Variants in ARID4B observed in about 807,000 individuals in gnomAD.
The protein encoded by ARID4B is AT-rich interactive domain-containing protein 4B.
In ARID4B, 26 loss-of-function variants were observed where a neutral mutation model predicts 147.5. The observed-to-expected ratio is 0.18, with a 90% CI of 0.13 to 0.24. The LOEUF is 0.24. Among genes scored for constraint, ARID4B ranks in the 10% least tolerant of loss-of-function variants. The pLI is 1.00. For missense variants in ARID4B, 1,179 were observed against 1,511.5 expected (o/e 0.78, Z 3.65); for synonymous variants, 512 against 507.9 (o/e 1.01, Z -0.11).
chr1:235,251,547 A>C (rs1252220297), intron 6 of ARID4B, among the ~76,000 whole-genome samples: 1 of 152,118 alleles, frequency 6.6e-6, no homozygotes, highest in Non-Finnish European at 1.5e-5. Flanking sequence ...TTTTCAAAAC[A>C]AAAACATAAA....
chr1:235,177,922 G>A lies in ARID4B; in HGVS notation c.3335-9C>T. ...TTTCTGACCTGTACAGGCTATGAAG[G>A]GAAAGGAATTAAGTAACACAAAATA... is the stretch of plus-strand genomic sequence containing the variant. On this transcript the variant is annotated splice_polypyrimidine_tract_variant and intron_variant, in intron 20 of 23. Coordinates refer to ENST00000264183, the MANE Select transcript of ARID4B (RefSeq NM_016374.6). 2 of 1,498,674 alleles carry A rather than the reference G, an allele frequency of 1.3e-6. No individual in the cohort carries two copies. Among genetic ancestry groups the A allele is most frequent in the Non-Finnish European group, 9.1e-7 (1 of 1,104,754 alleles). 92.8% of individuals were successfully genotyped at this position (1,498,674 alleles called of 1,614,324 possible). A position where few individuals can be genotyped will look rare whatever the true frequency, so the allele number is the denominator to read the frequency against.
intron 2 of ARID4B, among the ~76,000 whole-genome samples, chr1:235,281,088 G>A (rs1227925454): frequency 1.4e-5 from 2 of 147,658 alleles, no homozygotes; most frequent in African/African-American, 5.4e-5. Context: ...TGCCATCAAG[G>A]TGGCTTCTCA....
intron 2 of ARID4B, among the ~76,000 whole-genome samples, chr1:235,277,699 T>C (rs1321256868): frequency 6.6e-6 from 1 of 151,696 alleles, no homozygotes; most frequent in East Asian, 1.9e-4. Flanking sequence ...TCTTTCAGGA[T>C]TTTAATGGTG....
rs749745701 is a variant in ARID4B, at chr1:235,234,500, G to T, written c.586-8C>A. The stretch of plus-strand genomic sequence containing the variant: ...ACAATCAGGACAAACCACCTTTTAA[G>T]AAAAAGGGTGAAGCTATTATAACTA... On this transcript the variant is annotated splice_polypyrimidine_tract_variant and splice_region_variant and intron_variant, in intron 8 of 23. Transcript: ENST00000264183. 5 of 1,571,698 alleles carry T rather than the reference G, an allele frequency of 3.2e-6. No individual in the cohort carries two copies. Among genetic ancestry groups the T allele is most frequent in the Non-Finnish European group, 3.5e-6 (4 of 1,146,322 alleles).
intron 2 of ARID4B, among the ~76,000 whole-genome samples, chr1:235,305,028 T>G (rs1673446135): frequency 2.0e-5 from 3 of 152,140 alleles, no homozygotes; most frequent in Admixed American, 2.0e-4. Context: ...AAGGGGAAAT[T>G]TAAAGCTGAC....
chr1:235,204,775 C>T lies in ARID4B; in HGVS notation c.1842-8660G>A, dbSNP rs553520006. Among the ~76,000 whole-genome samples, 44 of 152,172 alleles carry T rather than the reference C, an allele frequency of 2.9e-4. No individual in the cohort carries two copies. The South Asian group carries it at 3.9e-3, about 14-fold the overall frequency. On this transcript the variant is annotated intron_variant, in intron 17 of 23. Coordinates refer to ENST00000264183, the MANE Select transcript of ARID4B (RefSeq NM_016374.6). ...AAATGTATGGAATTAGTTATTTGTG[C>T]GTACTTAGACAAAAATATCAATGTA...
At chr1:235,262,415 T>C (rs576666181) in intron 2 of ARID4B, among the ~76,000 whole-genome samples, 2 of 152,360 alleles carry the variant, frequency 1.3e-5, no homozygotes, top group African/African-American at 4.8e-5. Context: ...AGTTCATTTA[T>C]ACCATAATGG....
rs548217719 is a variant in ARID4B, at chr1:235,210,398, T to C, written c.1841+3371A>G. Among the ~76,000 whole-genome samples, 10 of 152,130 alleles carry C rather than the reference T, an allele frequency of 6.6e-5. No individual in the cohort carries two copies. In the East Asian group the frequency reaches 1.9e-3, roughly 29 times the overall value. ...TTTCCAATTTCACATCTGTTAAGTA[T>C]AAATTTAGAGATCAAGCTGAAGACC... On this transcript the variant is annotated intron_variant, in intron 17 of 23. Coordinates refer to ENST00000264183, the MANE Select transcript of ARID4B (RefSeq NM_016374.6).
chr1:235,270,261 C>T (rs377547778), intron 2 of ARID4B, among the ~76,000 whole-genome samples: 4 of 151,916 alleles, frequency 2.6e-5, no homozygotes, highest in South Asian at 4.1e-4. Context: ...CCAGCCCGGG[C>T]GACAGAGAGA....
rs145519146 is a variant in ARID4B, at chr1:235,175,332, T to C, written c.3516A>G (p.Ser1172=). Residue 1172 remains serine, a synonymous_variant, in exon 22 of 24, where the codon TCA becomes TCG. Transcript: ENST00000264183. The part of the protein sequence containing the change: ...ESITKSQPVK[S]VSTGMKSHST... ...TATGAGACTTCATTCCAGTGGAAAC[T>C]GATTTGACTGGCTGACTCTTAGTTA... 23 of 1,614,166 alleles carry C rather than the reference T, an allele frequency of 1.4e-5. No homozygotes were observed. In the African/African-American group the frequency reaches 2.8e-4, roughly 20 times the overall value.
At chr1:235,309,149 C>T (rs1673820152) in intron 2 of ARID4B, among the ~76,000 whole-genome samples, 1 of 147,162 alleles carries the variant, frequency 6.8e-6, no homozygotes, top group African/African-American at 2.5e-5. Context: ...ATGTGAGGAG[C>T]GCCTCTGCCC....
At chr1:235,198,679 T>C (rs1252981216) in intron 17 of ARID4B, among the ~76,000 whole-genome samples, 1 of 152,210 alleles carries the variant, frequency 6.6e-6, no homozygotes, top group Non-Finnish European at 1.5e-5. Context: ...TGAGTTTAGA[T>C]GTCAAAAGTG....
intron 7 of ARID4B, among the ~76,000 whole-genome samples, chr1:235,243,670 C>T (rs1669129005): frequency 6.6e-6 from 1 of 152,070 alleles, no homozygotes; most frequent in Admixed American, 6.5e-5. Context: ...AATAATGATA[C>T]AAATTGAGCT....
chr1:235,323,790 A>C (rs1216634374), intron 2 of ARID4B, among the ~76,000 whole-genome samples: 1 of 152,152 alleles, frequency 6.6e-6, no homozygotes, highest in Non-Finnish European at 1.5e-5. Context: ...GTCTTAAAAA[A>C]AAAAAGTAAA....
chr1:235,220,833 G>A (rs1667416930), intron 14 of ARID4B, among the ~76,000 whole-genome samples: 1 of 151,986 alleles, frequency 6.6e-6, no homozygotes. Context: ...GGACTCCTTA[G>A]TAAATCTCAT....
In ARID4B at chr1:235,221,737, A is replaced by G. The variant is rs184042253; in HGVS notation, c.1066-75T>C. 1.6e-3 allele frequency: 1,005 copies of G among 646,164 alleles called. 1 individual carries two copies. Among genetic ancestry groups the G allele is most frequent in the Non-Finnish European group, 2.3e-3 (894 of 386,364 alleles). 40.0% of individuals were successfully genotyped at this position (646,164 alleles called of 1,614,324 possible). On this transcript the variant is annotated intron_variant, in intron 13 of 23. Transcript: ENST00000264183. Reference sequence around the variant, plus strand: ...AATAACATTTTGATAGACACAGTATATATGAGTATATTTTTATATTTATTG... The same window carrying G: ...AATAACATTTTGATAGACACAGTATGTATGAGTATATTTTTATATTTATTG...
chr1:235,267,617 G>C (rs922806433), intron 2 of ARID4B, among the ~76,000 whole-genome samples: 4 of 152,188 alleles, frequency 2.6e-5, no homozygotes, highest in Non-Finnish European at 5.9e-5. Context: ...TGGATCACGA[G>C]GTCAGGAGAT....
intron 6 of ARID4B, among the ~76,000 whole-genome samples, chr1:235,247,640 T>A (rs1025774410): frequency 6.6e-6 from 1 of 152,124 alleles, no homozygotes; most frequent in Non-Finnish European, 1.5e-5. Flanking sequence ...TCTTTCAAAT[T>A]TAGTTTGTAC....
chr1:235,168,771 A>C (rs1663114384), intron 23 of ARID4B, 119 bp from the exon 24 acceptor site: 2 of 1,060,814 alleles, frequency 1.9e-6, no homozygotes, highest in African/African-American at 3.2e-5. Flanking sequence ...TTTAGCTTAC[A>C]ACAACAGTGG....
Sources: allele counts gnomAD v4.1 joint callset (sites outside exome capture counted in the v4.1 genomes callset), GRCh38; gene constraint gnomAD v4.1.1; transcripts MANE v1.5; gene names NCBI Gene and HGNC (gene_info 2026-07-23, HGNC 2026-07-21).